The following ATRNL1 variants were observed in gnomAD, a reference collection of about 807,000 sequenced individuals.
ATRNL1 encodes the protein attractin-like protein 1.
A neutral mutation model predicts 182.7 loss-of-function variants in ATRNL1; 95 were observed. The ratio of observed to expected loss-of-function variants is 0.52; its 90% CI spans 0.44 to 0.62. ATRNL1 has a LOEUF of 0.62. Ranked by LOEUF, ATRNL1 falls within the 20% of genes least tolerant of loss-of-function variation. The probability of loss-of-function intolerance (pLI) is 0.00; values close to 1 mark genes in which losing one functional copy is unlikely to be tolerated. For missense variants in ATRNL1, 1,471 were observed against 1,679.5 expected (o/e 0.88, Z 2.17); for synonymous variants, 576 against 568.3 (o/e 1.01, Z -0.19).
rs1322282499 is a variant in ATRNL1 at position 115,210,570 on chromosome 10, A to T, written c.1349-5127A>T. 4.6e-5 allele frequency among the ~76,000 whole-genome samples: 7 copies of T among 152,012 alleles called. No homozygotes were observed. The East Asian group carries it at 1.4e-3, about 29-fold the overall frequency. ...AATGTTTTATATATGGATCATTTAC[A>T]TTTAAGGTAATTTTGATATATTAGT... On this transcript the variant is annotated intron_variant, in intron 8 of 28. Coordinates refer to ENST00000355044, the MANE Select transcript of ATRNL1 (RefSeq NM_207303.4).
At chr10:115,502,120 A>G (rs907706995) in intron 24 of ATRNL1, among the ~76,000 whole-genome samples, 1 of 152,162 alleles carries the variant, frequency 6.6e-6, no homozygotes, top group Non-Finnish European at 1.5e-5. Context: ...CTGATAATGT[A>G]TACTAAGTTA....
intron 28 of ATRNL1, among the ~76,000 whole-genome samples, chr10:115,913,383 C>A (rs574938991): frequency 6.6e-6 from 1 of 152,176 alleles, no homozygotes; most frequent in African/African-American, 2.4e-5. Flanking sequence ...AAAGGACTAG[C>A]TCTAGGGCCA....
At chr10:115,857,689 A>G (rs552795171) in intron 28 of ATRNL1, among the ~76,000 whole-genome samples, 2 of 152,212 alleles carry the variant, frequency 1.3e-5, no homozygotes, top group Non-Finnish European at 2.9e-5. Flanking sequence ...AGGAAACAAA[A>G]GAAAATAAGG....
chr10:115,602,666 A>G (rs1427478964), intron 26 of ATRNL1, among the ~76,000 whole-genome samples: 3 of 152,152 alleles, frequency 2.0e-5, no homozygotes, highest in Admixed American at 1.3e-4. Context: ...GATCGAGACC[A>G]TCCTGGCTAA....
At chr10:115,150,633 TAC>T (rs1334613525) in intron 5 of ATRNL1, among the ~76,000 whole-genome samples, 1 of 152,158 alleles carries the variant, frequency 6.6e-6, no homozygotes, top group Non-Finnish European at 1.5e-5. Context: ...CATGTATTTG[TAC>T]AGTTTCCAAA....
At chr10:115,719,145 A>C (rs1195945833) in intron 26 of ATRNL1, among the ~76,000 whole-genome samples, 1 of 152,228 alleles carries the variant, frequency 6.6e-6, no homozygotes, top group Non-Finnish European at 1.5e-5. Flanking sequence ...AGTCTAAGCT[A>C]TTCAGGATCA....
intron 1 of ATRNL1, among the ~76,000 whole-genome samples, chr10:115,097,123 A>G (rs1391597087): frequency 1.3e-5 from 2 of 152,244 alleles, no homozygotes; most frequent in East Asian, 3.9e-4. Flanking sequence ...ATATTAGTCA[A>G]ATATAAAGGG....
At chr10:115,908,523 G>A (rs782797065) in intron 28 of ATRNL1, among the ~76,000 whole-genome samples, 1 of 152,032 alleles carries the variant, frequency 6.6e-6, no homozygotes, top group Non-Finnish European at 1.5e-5. Flanking sequence ...GATGACATTG[G>A]TCCCACCCAG....
intron 10 of ATRNL1, among the ~76,000 whole-genome samples, chr10:115,253,718 A>T (rs1720622212): frequency 6.6e-6 from 1 of 151,858 alleles, no homozygotes; most frequent in African/African-American, 2.4e-5. Flanking sequence ...CATTTACATT[A>T]GGTATTTCTC....
intron 26 of ATRNL1, among the ~76,000 whole-genome samples, chr10:115,607,106 T>A (rs1169171359): frequency 6.6e-6 from 1 of 152,020 alleles, no homozygotes; most frequent in African/African-American, 2.4e-5. Flanking sequence ...TATTAATCAA[T>A]ATATTTTTCA....
chr10:115,443,354 G>A (rs1846792894), intron 21 of ATRNL1, among the ~76,000 whole-genome samples: 1 of 151,664 alleles, frequency 6.6e-6, no homozygotes, highest in Non-Finnish European at 1.5e-5. Flanking sequence ...TCAGTCTGTG[G>A]GCTCTCTTTT....
chr10:115,929,865 T>C (rs1018935120), intron 28 of ATRNL1, among the ~76,000 whole-genome samples: 1 of 152,128 alleles, frequency 6.6e-6, no homozygotes. Context: ...TATATAAACA[T>C]GTTTTTTTCT....
At chr10:115,239,202 G>T (rs1221881853) in intron 9 of ATRNL1, among the ~76,000 whole-genome samples, 2 of 149,202 alleles carry the variant, frequency 1.3e-5, no homozygotes, top group East Asian at 3.9e-4. Flanking sequence ...GTTTTGTAAA[G>T]AAAAATTAGA....
At chr10:115,837,218 A>G (rs1555095758) in intron 27 of ATRNL1, among the ~76,000 whole-genome samples, 1 of 152,100 alleles carries the variant, frequency 6.6e-6, no homozygotes, top group Non-Finnish European at 1.5e-5. Context: ...TGCTACACAA[A>G]TATATTTAGT....
chr10:115,576,408 C>T (rs1172311137), intron 26 of ATRNL1, among the ~76,000 whole-genome samples: 2 of 151,932 alleles, frequency 1.3e-5, no homozygotes, highest in African/African-American at 4.8e-5. Flanking sequence ...TTTTTTATCT[C>T]TTTTTTGTAA....
chr10:115,416,431 C>G (rs943579365), intron 20 of ATRNL1, among the ~76,000 whole-genome samples: 1 of 152,084 alleles, frequency 6.6e-6, no homozygotes, highest in African/African-American at 2.4e-5. Flanking sequence ...ATATAAACCA[C>G]TTTAGATAAT....
At chr10:115,868,822 C>CTTTTTTTTTTTTATTTTTTTTTTTTTTT (rs1951501756) in intron 28 of ATRNL1, among the ~76,000 whole-genome samples, 1 of 58,084 alleles carries the variant, frequency 1.7e-5, no homozygotes. Context: ...AGTCTTTATT[C>CTTTTTTTTTTTTATTTTTTTTTTTTTTT]TTTTTTTTTT....
chr10:115,132,919 G>C (rs1845322167), intron 5 of ATRNL1, among the ~76,000 whole-genome samples: 1 of 152,180 alleles, frequency 6.6e-6, no homozygotes, highest in African/African-American at 2.4e-5. Context: ...TTGCTGTGCA[G>C]AAGTTCTTTA....
intron 13 of ATRNL1, among the ~76,000 whole-genome samples, chr10:115,270,374 T>TATATAATATATAAATCTA (rs1554912500): frequency 4.0e-5 from 1 of 25,108 alleles, no homozygotes; most frequent in Non-Finnish European, 1.1e-4. Flanking sequence ...TATAAATCTA[T>TATATAATATATAAATCTA]TATATAATAT....
Sources: gnomAD v4.1 joint callset for allele counts (sites outside exome capture counted in the v4.1 genomes callset) on GRCh38, gnomAD v4.1.1 for gene constraint, MANE v1.5 for transcripts, NCBI Gene and HGNC (gene_info 2026-07-23, HGNC 2026-07-21) for gene names.